NRP1: variants seen among roughly 807,000 people sequenced by gnomAD.
NRP1 encodes neuropilin 1, also known as neuropilin-1.
In NRP1, 35 loss-of-function variants were observed where a neutral mutation model predicts 106.7. The ratio of observed to expected loss-of-function variants is 0.33; its 90% CI spans 0.25 to 0.43. The LOEUF (loss-of-function observed/expected upper bound fraction) is 0.43. NRP1 is among the 20% of genes least tolerant of loss of function. NRP1 has a pLI of 1.00. For missense variants in NRP1, 1,024 were observed against 1,170.4 expected, an observed-to-expected ratio of 0.87 and a Z score of 1.83; for synonymous variants, 437 against 417.9, an observed-to-expected ratio of 1.05 and a Z score of -0.56.
intron 6 of NRP1, among the ~76,000 whole-genome samples, chr10:33,229,280 T>G (rs922545964): frequency 1.3e-5 from 2 of 152,190 alleles, no homozygotes; most frequent in Non-Finnish European, 2.9e-5. Flanking sequence ...CTGCAGAAAC[T>G]CTCTGATTTC....
In NRP1 at chr10:33,265,264, G is replaced by A. The variant is rs141016785; in HGVS notation, c.431-1391C>T. 3.0e-4 allele frequency among the ~76,000 whole-genome samples: 45 copies of A among 152,318 alleles called. 3 individuals carry two copies. In the East Asian group the frequency reaches 6.0e-3, roughly 20 times the overall value. On this transcript the variant is annotated intron_variant, in intron 3 of 16. Transcript: ENST00000374867. Reference sequence around the variant, plus strand: ...CTTAAGACACTTGTGAATCAGAGAAGTCTTTATCCTTTTGAATTTCAGGAT... The same window carrying A: ...CTTAAGACACTTGTGAATCAGAGAAATCTTTATCCTTTTGAATTTCAGGAT...
intron 6 of NRP1, among the ~76,000 whole-genome samples, chr10:33,231,974 A>T (rs1478929249): frequency 1.3e-5 from 2 of 152,180 alleles, no homozygotes; most frequent in African/African-American, 4.8e-5. Context: ...GTCAAAAAAA[A>T]TGTATTGCTC....
chr10:33,327,038 G>C (rs1847940745), intron 2 of NRP1, among the ~76,000 whole-genome samples: 1 of 152,014 alleles, frequency 6.6e-6, no homozygotes, highest in African/African-American at 2.4e-5. Flanking sequence ...AAAGAAAACT[G>C]TTTACTTGGG....
chr10:33,296,712 C>G (rs1845412322), intron 2 of NRP1, among the ~76,000 whole-genome samples: 1 of 152,196 alleles, frequency 6.6e-6, no homozygotes, highest in Non-Finnish European at 1.5e-5. Flanking sequence ...GCCCAGACAT[C>G]AAGGCTAGCA....
At chr10:33,232,665 A>G (rs1840247265) in intron 6 of NRP1, among the ~76,000 whole-genome samples, 1 of 105,626 alleles carries the variant, frequency 9.5e-6, no homozygotes, top group Non-Finnish European at 1.8e-5. Context: ...TTTTTTTGAG[A>G]CAGAGTCTCA....
In NRP1 at chr10:33,303,398, T is replaced by C. The variant is rs144763542; in HGVS notation, c.248+27310A>G. On this transcript the variant is annotated intron_variant, in intron 2 of 16. Coordinates refer to ENST00000374867, the MANE Select transcript of NRP1 (RefSeq NM_003873.7). Reference sequence around the variant, plus strand: ...TTATCTTCTTCCATTTACTATCTCATTATTTGGATAAACTTCATCTTTTGA... The same window carrying C: ...TTATCTTCTTCCATTTACTATCTCACTATTTGGATAAACTTCATCTTTTGA... 2.6e-5 allele frequency among the ~76,000 whole-genome samples: 4 copies of C among 152,340 alleles called. No individual in the cohort carries two copies. The East Asian group carries it at 7.7e-4, about 29-fold the overall frequency.
chr10:33,192,015 C>T (rs1014739392), intron 13 of NRP1, among the ~76,000 whole-genome samples: 1 of 148,466 alleles, frequency 6.7e-6, no homozygotes, highest in East Asian at 2.0e-4. Context: ...AAGATGAATG[C>T]TAATTCATAG....
intron 3 of NRP1, among the ~76,000 whole-genome samples, chr10:33,265,558 T>C (rs1842863702): frequency 6.6e-6 from 1 of 152,200 alleles, no homozygotes; most frequent in Non-Finnish European, 1.5e-5. Context: ...ACCAACAGAG[T>C]GCATCTGGCA....
At position 33,213,443 on chromosome 10, in the gene NRP1, G is replaced by A. The variant is rs1838482887; in HGVS notation, c.1557C>T (p.Tyr519=). The A allele has an allele frequency of 6.2e-7, 1 of 1,613,966 alleles. No homozygotes were observed. Among genetic ancestry groups the A allele is most frequent in the Non-Finnish European group, 8.5e-7 (1 of 1,180,014 alleles). The change falls in exon 9 of 17, where the codon TAC becomes TAT. Residue 519 remains tyrosine (Y), a synonymous_variant. Coordinates refer to ENST00000374867, the MANE Select transcript of NRP1 (RefSeq NM_003873.7). ...KVFMRKFKIG[Y]SNNGSDWKMI... ...TCTTCCAGTCCGAGCCGTTGTTGCT[G>A]TACCCGATCTTGAACTTCCTCATGA...
chr10:33,283,360 T>G (rs1480124590), intron 2 of NRP1, among the ~76,000 whole-genome samples: 1 of 152,222 alleles, frequency 6.6e-6, no homozygotes, highest in Non-Finnish European at 1.5e-5. Flanking sequence ...TTTTCATTTT[T>G]TGAAATTCTA....
chr10:33,192,059 A>C (rs1836454246), intron 13 of NRP1, among the ~76,000 whole-genome samples: 1 of 151,918 alleles, frequency 6.6e-6, no homozygotes, highest in Non-Finnish European at 1.5e-5. Flanking sequence ...CAAGGAGGCC[A>C]ATCAGTGGCC....
chr10:33,263,324 C>G (rs1179213451), intron 4 of NRP1, among the ~76,000 whole-genome samples: 2 of 152,172 alleles, frequency 1.3e-5, no homozygotes, highest in African/African-American at 4.8e-5. Context: ...GTAGCCAGGT[C>G]AGTGGATGAG....
rs546589650 is a variant in NRP1 at position 33,222,510 on chromosome 10, T to G, written c.1138-647A>C. ...GCTTGTGCGTCAAGATTTATTTATT[T>G]ATTTATTTATTTATTTATTTATTTA... On this transcript the variant is annotated intron_variant, in intron 7 of 16. Coordinates refer to ENST00000374867, the MANE Select transcript of NRP1 (RefSeq NM_003873.7). 5.8e-4 allele frequency among the ~76,000 whole-genome samples: 84 copies of G among 144,866 alleles called. 1 individual carries two copies. Among genetic ancestry groups the G allele is most frequent in the East Asian group, 4.6e-3 (23 of 5,054 alleles).
At chr10:33,306,864 T>C (rs1032143343) in intron 2 of NRP1, among the ~76,000 whole-genome samples, 1 of 152,238 alleles carries the variant, frequency 6.6e-6, no homozygotes, top group Non-Finnish European at 1.5e-5. Context: ...ATTGAATCAA[T>C]ATTGTGTGAA....
Position 33,334,346 on chromosome 10 carries a change from C to A in NRP1, c.37G>T (p.Ala13Ser), listed in dbSNP as rs1848488185. The change falls in exon 1 of 17, where the codon GCC becomes TCC. Residue 13 changes from alanine to serine, a missense_variant. By Grantham distance (99) the Ala-to-Ser change is moderately conservative. Coordinates refer to ENST00000374867, the MANE Select transcript of NRP1 (RefSeq NM_003873.7). ...RGLPLLCAVL[A>S]LVLAPAGAFR... ...GCGCCGGCCGGGGCGAGGACGAGGG[C>A]GAGCACGGCGCAGAGGAGCGGCAGC... 6.5e-7 allele frequency: 1 copy of A among 1,546,414 alleles called. No homozygotes were observed. The highest frequency in any genetic ancestry group is 8.7e-7 in the Non-Finnish European group (1 of 1,147,392).
intron 11 of NRP1, chr10:33,202,572 G>GGGA: frequency 9.2e-6 from 13 of 1,412,766 alleles, no homozygotes; most frequent in Non-Finnish European, 1.2e-5. Flanking sequence ...GTTATTGGGG[G>GGGA]GGGGTCTGAA....
intron 2 of NRP1, among the ~76,000 whole-genome samples, chr10:33,324,734 T>C (rs530505579): frequency 6.6e-6 from 1 of 152,098 alleles, no homozygotes; most frequent in Non-Finnish European, 1.5e-5. Flanking sequence ...GCTTCCCAGG[T>C]TCAAGCCATT....
At chr10:33,300,045 CTT>C (rs1381460125) in intron 2 of NRP1, among the ~76,000 whole-genome samples, 2 of 152,220 alleles carry the variant, frequency 1.3e-5, no homozygotes, top group African/African-American at 2.4e-5. Context: ...AAGATGAACA[CTT>C]TGCTTGACTT....
intron 2 of NRP1, among the ~76,000 whole-genome samples, chr10:33,285,701 G>A (rs955422923): frequency 4.6e-5 from 7 of 152,050 alleles, no homozygotes; most frequent in African/African-American, 1.7e-4. Context: ...GGTGGTGCAT[G>A]CCTGAAATCC....
Sources: gnomAD v4.1 joint callset for allele counts (sites outside exome capture counted in the v4.1 genomes callset) on GRCh38, gnomAD v4.1.1 for gene constraint, MANE v1.5 for transcripts, NCBI Gene and HGNC (gene_info 2026-07-23, HGNC 2026-07-21) for gene names.